Variants in DAB2IP observed in about 807,000 individuals in gnomAD.
DAB2IP encodes DAB2 interacting protein, also known as disabled homolog 2-interacting protein.
Under a neutral mutation model 107.2 loss-of-function variants are expected in DAB2IP, and 28 were observed. The ratio of observed to expected loss-of-function variants is 0.26; its 90% CI spans 0.19 to 0.36. The LOEUF (loss-of-function observed/expected upper bound fraction) is 0.36. Ranked by LOEUF, DAB2IP falls within the 10% of genes least tolerant of loss-of-function variation. The pLI is 1.00. For synonymous variants in DAB2IP, 755 were observed against 706.4 expected, an observed-to-expected ratio of 1.07 and a Z score of -1.09; for missense variants, 1,400 against 1,644.7, an observed-to-expected ratio of 0.85 and a Z score of 2.57.
chr9:121,645,042 C>T (rs574828043), intron 1 of DAB2IP, among the ~76,000 whole-genome samples: 28 of 152,226 alleles, frequency 1.8e-4, no homozygotes, highest in Non-Finnish European at 3.7e-4. Context: ...CCATATGCCA[C>T]CCCCTCTGGT....
chr9:121,773,636 C>T (rs769035590), intron 12 of DAB2IP, 141 bp downstream of exon 12: 48 of 1,092,366 alleles, frequency 4.4e-5, no homozygotes, highest in East Asian at 1.2e-4. Context: ...CTGCCACATG[C>T]GCCACCACCC....
chr9:121,784,569 G>A (rs1377723261), exon 16 of DAB2IP: 2 of 154,846 alleles, frequency 1.3e-5, no homozygotes, highest in Non-Finnish European at 2.9e-5. Flanking sequence ...ACTCTTCACA[G>A]ATTTTTATCT....
intron 3 of DAB2IP, among the ~76,000 whole-genome samples, chr9:121,737,041 A>G (rs576715497): frequency 1.3e-5 from 2 of 152,288 alleles, no homozygotes; most frequent in East Asian, 3.9e-4. Flanking sequence ...ATGAGGAGGA[A>G]CCAGCCTTGC....
exon 16 of DAB2IP, chr9:121,783,591 A>C (rs1230851927): frequency 2.0e-5 from 33 of 1,610,668 alleles, no homozygotes; most frequent in Non-Finnish European, 2.6e-5. Context: ...GGGGCCTTTT[A>C]AGTTGAGCGT....
chr9:121,649,205 C>T (rs746673767), upstream of DAB2IP, among the ~76,000 whole-genome samples: 10 of 152,296 alleles, frequency 6.6e-5, no homozygotes, highest in Admixed American at 5.2e-4. Flanking sequence ...GCACAAGCTT[C>T]CTCCATTTCA....
chr9:121,714,918 G>C (rs926786144), intron 3 of DAB2IP, among the ~76,000 whole-genome samples: 3 of 152,238 alleles, frequency 2.0e-5, no homozygotes, highest in Admixed American at 2.0e-4. Flanking sequence ...TCTTATAGGA[G>C]GGGCTGCCAC....
At chr9:121,768,870 C>T (rs936300193) in intron 10 of DAB2IP, among the ~76,000 whole-genome samples, 3 of 152,334 alleles carry the variant, frequency 2.0e-5, no homozygotes, top group South Asian at 2.1e-4. Flanking sequence ...TGGGGTGTTC[C>T]GCATGCACTC....
intron 1 of DAB2IP, among the ~76,000 whole-genome samples, chr9:121,664,767 A>G (rs1236883049): frequency 6.6e-6 from 1 of 152,226 alleles, no homozygotes. Flanking sequence ...AGCAGATGGA[A>G]TAAGCTTCAG....
chr9:121,643,362 A>T (rs1023389473), intron 1 of DAB2IP, among the ~76,000 whole-genome samples: 1 of 152,134 alleles, frequency 6.6e-6, no homozygotes, highest in Middle Eastern at 3.4e-3. Context: ...CTAAGCCTCA[A>T]GCCCAGATCT....
chr9:121,749,027 C>T (rs983515638), intron 3 of DAB2IP, among the ~76,000 whole-genome samples: 1 of 152,212 alleles, frequency 6.6e-6, no homozygotes, highest in African/African-American at 2.4e-5. Context: ...TGGGCCCTGT[C>T]ATCCCTGGAA....
At chr9:121,600,859 G>A (rs960155823) in intron 1 of DAB2IP, among the ~76,000 whole-genome samples, 12 of 152,136 alleles carry the variant, frequency 7.9e-5, no homozygotes, top group Admixed American at 5.9e-4. Flanking sequence ...GAGGTGAGGC[G>A]TAGAAGGCGC....
chr9:121,758,856 T>A, intron 4 of DAB2IP, 42 bp from the exon 5 acceptor site: 1 of 1,579,276 alleles, frequency 6.3e-7, no homozygotes, highest in South Asian at 1.1e-5. Context: ...GCCCTTGCTG[T>A]GGTCCCTTCC....
intron 1 of DAB2IP, among the ~76,000 whole-genome samples, chr9:121,639,407 C>T (rs1263385039): frequency 6.6e-6 from 1 of 152,328 alleles, no homozygotes; most frequent in Admixed American, 6.5e-5. Flanking sequence ...CCGTGTCCCT[C>T]TCTGCCCTGT....
At chr9:121,763,960 A>T (rs900803727) in intron 8 of DAB2IP, 81 bp downstream of exon 8, 21 of 1,564,980 alleles carry the variant, frequency 1.3e-5, no homozygotes, top group Non-Finnish European at 1.6e-5. Context: ...AGTGTGCCTG[A>T]TGCTGCCTGG....
At chr9:121,575,661 G>A (rs995728445) in intron 1 of DAB2IP, among the ~76,000 whole-genome samples, 45 of 152,088 alleles carry the variant, frequency 3.0e-4, no homozygotes, top group Admixed American at 6.5e-5. Context: ...GGCCCAGTGT[G>A]TCCCCAGCTT....
chr9:121,588,099 C>T (rs1830345480), intron 1 of DAB2IP, among the ~76,000 whole-genome samples: 1 of 152,210 alleles, frequency 6.6e-6, no homozygotes, highest in South Asian at 2.1e-4. Context: ...TTATCATGCA[C>T]TACGGTGATT....
intron 3 of DAB2IP, among the ~76,000 whole-genome samples, chr9:121,725,600 A>G (rs979105754): frequency 2.0e-5 from 3 of 152,236 alleles, no homozygotes; most frequent in Admixed American, 6.5e-5. Context: ...AGATGAGTCA[A>G]CAGACCTCAC....
intron 1 of DAB2IP, among the ~76,000 whole-genome samples, chr9:121,616,123 C>T (rs532537898): frequency 3.3e-4 from 51 of 152,242 alleles, no homozygotes; most frequent in Non-Finnish European, 6.6e-4. Context: ...CCCCAAAATT[C>T]GACCCCACCT....
chr9:121,595,322 G>T (rs1318969148), intron 1 of DAB2IP, among the ~76,000 whole-genome samples: 2 of 152,118 alleles, frequency 1.3e-5, no homozygotes, highest in Non-Finnish European at 1.5e-5. Context: ...CATGAGCATG[G>T]TGGCTTATAC....
Sources: gnomAD v4.1 joint callset for allele counts (sites outside exome capture counted in the v4.1 genomes callset) on GRCh38, gnomAD v4.1.1 for gene constraint, MANE v1.5 for transcripts, NCBI Gene and HGNC (gene_info 2026-07-23, HGNC 2026-07-21) for gene names.